Variants in IRAK3 observed in about 807,000 individuals in gnomAD.
IRAK3 encodes the protein interleukin-1 receptor-associated kinase 3.
Under a neutral mutation model 56.6 loss-of-function variants are expected in IRAK3, and 57 were observed. That is an observed-to-expected ratio of 1.01 (90% CI 0.81 to 1.26). The LOEUF (loss-of-function observed/expected upper bound fraction) is 1.26. Among genes scored for constraint, IRAK3 ranks in the 50% most tolerant of loss-of-function variants. The pLI is 0.00. For synonymous variants in IRAK3, 258 were observed against 255.7 expected (o/e 1.01, Z -0.09); for missense variants, 703 against 719.0 (o/e 0.98, Z 0.25).
rs2052410557 is a variant in IRAK3 at position 66,192,676 on chromosome 12, G to A, written c.133+3244G>A. 2.6e-5 allele frequency among the ~76,000 whole-genome samples: 4 copies of A among 152,218 alleles called. No individual in the cohort carries two copies. The South Asian group carries it at 6.2e-4, about 24-fold the overall frequency. On this transcript the variant is annotated intron_variant, in intron 1 of 11. Coordinates refer to ENST00000261233, the MANE Select transcript of IRAK3 (RefSeq NM_007199.3). ...AATTAAATGTAAAATCACATTAAGT[G>A]TGCATTTGTATATTCAATAAAGATT...
At chr12:66,229,364 C>T (rs755487144) in intron 8 of IRAK3, among the ~76,000 whole-genome samples, 9 of 152,066 alleles carry the variant, frequency 5.9e-5, no homozygotes, top group Non-Finnish European at 1.2e-4. Flanking sequence ...TCAACCTGTC[C>T]AAAAGTACAT....
chr12:66,211,635 C>T, intron 5 of IRAK3, 38 bp downstream of exon 5: 1 of 1,513,752 alleles, frequency 6.6e-7, no homozygotes, highest in East Asian at 2.3e-5. Context: ...ATCAGTTCCA[C>T]TTATTTGTTC....
At chr12:66,201,689 G>T (rs767173211) in intron 1 of IRAK3, among the ~76,000 whole-genome samples, 2 of 152,140 alleles carry the variant, frequency 1.3e-5, no homozygotes, top group African/African-American at 4.8e-5. Flanking sequence ...TATACTTTCT[G>T]TACAGTTTTA....
chr12:66,199,109 A>T (rs2052483317), intron 1 of IRAK3, among the ~76,000 whole-genome samples: 1 of 152,204 alleles, frequency 6.6e-6, no homozygotes, highest in Non-Finnish European at 1.5e-5. Flanking sequence ...CCCTTTGCTG[A>T]AATTTGATAT....
At chr12:66,242,736 G>A (rs1312694553) in intron 8 of IRAK3, among the ~76,000 whole-genome samples, 9 of 152,196 alleles carry the variant, frequency 5.9e-5, no homozygotes, top group African/African-American at 1.4e-4. Context: ...CACCCTTAGC[G>A]GAAGGAGGAG....
At position 66,190,500 on chromosome 12, in the gene IRAK3, G is replaced by A. The variant is rs1232898951; in HGVS notation, c.133+1068G>A. On this transcript the variant is annotated intron_variant, in intron 1 of 11. Coordinates refer to ENST00000261233, the MANE Select transcript of IRAK3 (RefSeq NM_007199.3). ...TCTTTTTGAGATGGATTTTGGCGTG[G>A]ACAGTATTTATACCCGTTGATTTCC... 2.0e-5 allele frequency among the ~76,000 whole-genome samples: 3 copies of A among 152,200 alleles called. No individual in the cohort carries two copies. The East Asian group carries it at 5.8e-4, about 29-fold the overall frequency.
intron 1 of IRAK3, among the ~76,000 whole-genome samples, chr12:66,194,626 G>C (rs1293135467): frequency 1.3e-5 from 2 of 151,940 alleles, no homozygotes; most frequent in African/African-American, 2.4e-5. Context: ...TCAGGAGTCC[G>C]AGACCAGCCT....
chr12:66,203,612 A>C, intron 1 of IRAK3, 99 bp from the exon 2 acceptor site: 1 of 1,073,716 alleles, frequency 9.3e-7, no homozygotes, highest in Non-Finnish European at 1.4e-6. Context: ...GGAAAGTTAA[A>C]GTTATAAATA....
intron 8 of IRAK3, chr12:66,235,279 G>A (rs760502583): frequency 4.0e-6 from 6 of 1,513,914 alleles, no homozygotes; most frequent in Non-Finnish European, 5.3e-6. Context: ...TGCTGCTGGG[G>A]AAGATCATCG....
chr12:66,195,061 C>A (rs1049401410), intron 1 of IRAK3, among the ~76,000 whole-genome samples: 1 of 152,204 alleles, frequency 6.6e-6, no homozygotes, highest in African/African-American at 2.4e-5. Context: ...TCCAATTTAA[C>A]AGCTCAGAAA....
At chr12:66,198,918 C>T (rs1407381935) in intron 1 of IRAK3, among the ~76,000 whole-genome samples, 2 of 151,820 alleles carry the variant, frequency 1.3e-5, no homozygotes, top group African/African-American at 2.4e-5. Flanking sequence ...ACCACCAAGC[C>T]TGGCTAATTT....
At chr12:66,219,152 A>T (rs2052706797) in intron 6 of IRAK3, among the ~76,000 whole-genome samples, 5 of 152,152 alleles carry the variant, frequency 3.3e-5, no homozygotes, top group Non-Finnish European at 4.4e-5. Flanking sequence ...ATAATGCTGC[A>T]TTAAACATGA....
intron 2 of IRAK3, among the ~76,000 whole-genome samples, chr12:66,208,264 C>G (rs931257175): frequency 6.6e-6 from 1 of 151,972 alleles, no homozygotes; most frequent in Non-Finnish European, 1.5e-5. Flanking sequence ...TCAGTCCAGA[C>G]AGCACTCTAC....
chr12:66,212,507 A>G, intron 5 of IRAK3, among the ~76,000 whole-genome samples: 1 of 152,208 alleles, frequency 6.6e-6, no homozygotes, highest in Non-Finnish European at 1.5e-5. Flanking sequence ...AACATTTACT[A>G]AACTCTTATA....
At chr12:66,230,596 G>A (rs2136941340) in intron 8 of IRAK3, among the ~76,000 whole-genome samples, 1 of 151,434 alleles carries the variant, frequency 6.6e-6, no homozygotes, top group East Asian at 2.0e-4. Context: ...TCAGCTGTGA[G>A]CCATCTTTAG....
Position 66,250,819 on chromosome 12 carries a change from A to G in IRAK3, c.*2648A>G, listed in dbSNP as rs1237820105. 6.6e-6 allele frequency: 1 copy of G among 152,154 alleles called. No homozygotes were observed. Among genetic ancestry groups the G allele is most frequent in the Non-Finnish European group, 1.5e-5 (1 of 68,026 alleles). 9.4% of individuals were successfully genotyped at this position (152,154 alleles called of 1,614,324 possible). On this transcript the variant is annotated 3_prime_UTR_variant, in exon 12 of 12. Transcript: ENST00000261233. ...GAATGACTTGGAAAGCTGGTTAAAA[A>G]CGCAGATTGCTGGGTCCACCCAGCT... is the stretch of plus-strand genomic sequence containing the variant.
Position 66,189,332 on chromosome 12 carries a change from G to T in IRAK3, c.33G>T (p.Leu11=). 1.3e-6 allele frequency: 2 copies of T among 1,533,126 alleles called. No homozygotes were observed. Among genetic ancestry groups the T allele is most frequent in the South Asian group, 1.2e-5 (1 of 84,026 alleles). The allele number at this position is 1,533,126 out of a possible 1,614,324, so 95.0% of individuals were successfully genotyped here. A position where few individuals can be genotyped will look rare whatever the true frequency, so the allele number is the denominator to read the frequency against. ...GGAACTGTGGGGCCCGCGGCGCGCTGTCGGCGCACACGCTGCTGTTCGACC... is the reference window on the plus strand; with the variant it reads ...GGAACTGTGGGGCCCGCGGCGCGCTTTCGGCGCACACGCTGCTGTTCGACC... MAGNCGARGA[L]SAHTLLFDLP... The change falls in exon 1 of 12, where the codon CTG becomes CTT. Residue 11 remains leucine (L), a synonymous_variant. Transcript: ENST00000261233.
At chr12:66,242,580 G>A (rs910149254) in intron 8 of IRAK3, among the ~76,000 whole-genome samples, 1 of 152,160 alleles carries the variant, frequency 6.6e-6, no homozygotes, top group African/African-American at 2.4e-5. Context: ...GAGAAGGCAA[G>A]GAGAGAAATG....
intron 1 of IRAK3, among the ~76,000 whole-genome samples, chr12:66,202,151 T>C (rs561806688): frequency 4.6e-5 from 7 of 152,206 alleles, no homozygotes; most frequent in Non-Finnish European, 1.0e-4. Flanking sequence ...CCCTGTGATG[T>C]TGGATTAGAA....
Sources: allele counts gnomAD v4.1 joint callset (sites outside exome capture counted in the v4.1 genomes callset), GRCh38; gene constraint gnomAD v4.1.1; transcripts MANE v1.5; gene names NCBI Gene and HGNC (gene_info 2026-07-23, HGNC 2026-07-21).